NECTIN3: variants seen among roughly 807,000 people sequenced by gnomAD.
The protein encoded by NECTIN3 is nectin cell adhesion molecule 3, also known as nectin-3.
NECTIN3 carries 8 observed loss-of-function variants against 49.4 expected under a neutral mutation model. The observed-to-expected ratio is 0.16, with a 90% confidence interval of 0.10 to 0.29. The LOEUF is 0.29. NECTIN3 is among the 10% of genes least tolerant of loss of function. NECTIN3 has a pLI of 1.00. For synonymous variants in NECTIN3, 277 were observed against 241.1 expected, an observed-to-expected ratio of 1.15 and a Z score of -1.38; for missense variants, 581 against 654.6, an observed-to-expected ratio of 0.89 and a Z score of 1.23.
chr3:111,087,544 T>G (rs2032004171), intron 1 of NECTIN3, among the ~76,000 whole-genome samples: 1 of 151,950 alleles, frequency 6.6e-6, no homozygotes, highest in Admixed American at 6.6e-5. Flanking sequence ...TCCCAGCTGC[T>G]TGGGAGGCTG....
rs998472961 is a variant in NECTIN3 at position 111,071,859 on chromosome 3, C to T, written c.-159C>T. ...GGCGACGGCGGTGTCGAGGCAGCCG[C>T]CAGCGTTCGGCCAAGTGTCAGCCGG... On this transcript the variant is annotated 5_prime_UTR_variant, in exon 1 of 6. Transcript: ENST00000485303. 5.3e-5 allele frequency: 23 copies of T among 438,054 alleles called. No individual in the cohort carries two copies. Among genetic ancestry groups the T allele is most frequent in the African/African-American group, 1.7e-4 (8 of 48,364 alleles). The allele number at this position is 438,054 out of a possible 1,614,324, so 27.1% of individuals were successfully genotyped here.
At chr3:111,109,005 C>G (rs1033704609) in intron 1 of NECTIN3, among the ~76,000 whole-genome samples, 1 of 152,114 alleles carries the variant, frequency 6.6e-6, no homozygotes, top group Non-Finnish European at 1.5e-5. Context: ...ATTTATTTCT[C>G]ACATTTGGGG....
At chr3:111,087,211 T>G (rs557654999) in intron 1 of NECTIN3, among the ~76,000 whole-genome samples, 1 of 152,324 alleles carries the variant, frequency 6.6e-6, no homozygotes, top group Non-Finnish European at 1.5e-5. Context: ...GTATTGTTTT[T>G]CTTTTCCTTT....
chr3:111,169,889 A>G (rs943374455), intron 7 of NECTIN3, among the ~76,000 whole-genome samples: 9 of 152,338 alleles, frequency 5.9e-5, no homozygotes, highest in Non-Finnish European at 1.0e-4. Flanking sequence ...ACTTTGTACC[A>G]ATGTACACTG....
downstream of NECTIN3, among the ~76,000 whole-genome samples, chr3:111,142,077 A>C (rs374853521): frequency 1.6e-4 from 24 of 152,022 alleles, no homozygotes; most frequent in Middle Eastern, 6.8e-3. Context: ...GTTGGGGCTA[A>C]ATTACCAATT....
At chr3:111,079,992 A>G (rs1467452503) in intron 1 of NECTIN3, among the ~76,000 whole-genome samples, 1 of 152,076 alleles carries the variant, frequency 6.6e-6, no homozygotes, top group East Asian at 1.9e-4. Flanking sequence ...TTATTGTTGT[A>G]TACTAGTACA....
At chr3:111,191,594 G>T (rs995420389), upstream of NECTIN3, among the ~76,000 whole-genome samples, 6 of 151,888 alleles carry the variant, frequency 4.0e-5, no homozygotes, top group African/African-American at 1.2e-4. Context: ...TAATCTGTGT[G>T]GGGGGAGGGT....
rs2034516097 is a variant in NECTIN3 at position 111,134,677 on chromosome 3, G to A, written c.*462G>A. On this transcript the variant is annotated 3_prime_UTR_variant, in exon 6 of 6. Transcript: ENST00000485303. The stretch of plus-strand genomic sequence containing the variant: ...AAAATTGACTATAAAACTAATTCAA[G>A]AAATATTTATATATATTTTTTAATA... 1.2e-6 allele frequency: 1 copy of A among 853,060 alleles called. No individual in the cohort carries two copies. The highest frequency in any genetic ancestry group is 5.4e-5 in the South Asian group (1 of 18,512). 52.8% of individuals were successfully genotyped at this position (853,060 alleles called of 1,614,324 possible). A position where few individuals can be genotyped will look rare whatever the true frequency, so the allele number is the denominator to read the frequency against.
At chr3:111,190,772 A>G (rs1263574409), upstream of NECTIN3, among the ~76,000 whole-genome samples, 1 of 152,252 alleles carries the variant, frequency 6.6e-6, no homozygotes, top group Non-Finnish European at 1.5e-5. Context: ...GTACACAAAC[A>G]TTCAGACCAT....
chr3:111,152,701 A>G (rs1392379920), intron 7 of NECTIN3, among the ~76,000 whole-genome samples: 1 of 151,832 alleles, frequency 6.6e-6, no homozygotes, highest in Non-Finnish European at 1.5e-5. Flanking sequence ...ATGTATCTCC[A>G]CTGGTTTATG....
chr3:111,131,852 A>G (rs1419497128), intron 5 of NECTIN3, among the ~76,000 whole-genome samples: 1 of 151,910 alleles, frequency 6.6e-6, no homozygotes, highest in East Asian at 1.9e-4. Context: ...TTAAAACTCT[A>G]CTGGCAGAAA....
chr3:111,177,004 CT>C (rs1043361429), intron 7 of NECTIN3, among the ~76,000 whole-genome samples: 1 of 152,024 alleles, frequency 6.6e-6, no homozygotes, highest in Non-Finnish European at 1.5e-5. Context: ...TTTAGGCGGC[CT>C]TTTCTGTTTT....
At chr3:111,111,021 A>G (rs2033437040) in intron 1 of NECTIN3, among the ~76,000 whole-genome samples, 1 of 152,062 alleles carries the variant, frequency 6.6e-6, no homozygotes, top group Non-Finnish European at 1.5e-5. Flanking sequence ...AATTAGATGT[A>G]ACTTTTAAAG....
intron 2 of NECTIN3, among the ~76,000 whole-genome samples, chr3:111,117,526 T>TA (rs1453248561): frequency 1.3e-5 from 2 of 152,116 alleles, no homozygotes; most frequent in Non-Finnish European, 2.9e-5. Context: ...TTTCATTTGT[T>TA]ATTTTACAGT....
intron 1 of NECTIN3, chr3:111,193,462 T>C: frequency 1.4e-6 from 2 of 1,385,256 alleles, no homozygotes; most frequent in South Asian, 2.7e-5. Context: ...GTTATTTTAC[T>C]GTCTCTCATA....
chr3:111,137,163 G>C lies in NECTIN3; in HGVS notation c.*2948G>C. The C allele has an allele frequency of 1.1e-6, 1 of 952,070 alleles. No homozygotes were observed. Among genetic ancestry groups the C allele is most frequent in the South Asian group, 4.9e-5 (1 of 20,558 alleles). The allele number at this position is 952,070 out of a possible 1,614,324, so 59.0% of individuals were successfully genotyped here. The stretch of plus-strand genomic sequence containing the variant: ...GTGAAAACATCTGATTTGAGTTTTT[G>C]ATAAATACTGCTAAAACACAGTATA... On this transcript the variant is annotated 3_prime_UTR_variant, in exon 6 of 6. Transcript: ENST00000485303.
At chr3:111,085,434 G>A (rs568252390) in intron 1 of NECTIN3, among the ~76,000 whole-genome samples, 8 of 152,226 alleles carry the variant, frequency 5.3e-5, no homozygotes, top group South Asian at 2.1e-4. Flanking sequence ...TAAAATTGAC[G>A]TATACATCAG....
Position 111,134,503 on chromosome 3 carries a change from ATG to A in NECTIN3, c.*290_*291del. The A allele has an allele frequency of 9.6e-7, 1 of 1,042,824 alleles. No individual in the cohort carries two copies. The highest frequency in any genetic ancestry group is 1.7e-5 in the African/African-American group (1 of 59,248). 64.6% of individuals were successfully genotyped at this position (1,042,824 alleles called of 1,614,324 possible). A position where few individuals can be genotyped will look rare whatever the true frequency, so the allele number is the denominator to read the frequency against. On this transcript the variant is annotated 3_prime_UTR_variant, in exon 6 of 6. Coordinates refer to ENST00000485303, the MANE Select transcript of NECTIN3 (RefSeq NM_015480.3). Reference sequence around the variant, plus strand: ...AGGTAAGAAGAAATGTCAACATTAAATGTATGACTTACTTGGTACAAAAATTT... The same window carrying A: ...AGGTAAGAAGAAATGTCAACATTAAATATGACTTACTTGGTACAAAAATTT...
intron 1 of NECTIN3, among the ~76,000 whole-genome samples, chr3:111,106,466 A>G (rs1260361924): frequency 6.6e-6 from 1 of 152,140 alleles, no homozygotes; most frequent in Non-Finnish European, 1.5e-5. Flanking sequence ...TTTGCAGTTT[A>G]TATGTTATTT....
Sources: allele counts gnomAD v4.1 joint callset (sites outside exome capture counted in the v4.1 genomes callset), GRCh38; gene constraint gnomAD v4.1.1; transcripts MANE v1.5; gene names NCBI Gene and HGNC (gene_info 2026-07-23, HGNC 2026-07-21).